EYS: variants seen among roughly 807,000 people sequenced by gnomAD.
EYS encodes the protein protein eyes shut homolog.
In EYS, 250 loss-of-function variants were observed where a neutral mutation model predicts 282.1. The observed-to-expected ratio is 0.89, with a 90% CI of 0.80 to 0.98. The LOEUF (loss-of-function observed/expected upper bound fraction) is 0.98, where lower values mean the gene tolerates loss of function less well. Among genes scored for constraint, EYS ranks in the 50% least tolerant of loss-of-function variants. The pLI is 0.00. For missense variants in EYS, 4,016 were observed against 3,709.0 expected, an observed-to-expected ratio of 1.08 and a Z score of -2.15; for synonymous variants, 1,355 against 1,282.9, an observed-to-expected ratio of 1.06 and a Z score of -1.20.
chr6:65,231,079 AT>A lies in EYS; in HGVS notation c.2023+64783del, dbSNP rs1387693187. 3.7e-3 allele frequency among the ~76,000 whole-genome samples: 183 copies of A among 49,036 alleles called. 1 individual carries two copies. Among genetic ancestry groups the A allele is most frequent in the Middle Eastern group, 8.6e-3 (1 of 116 alleles). 32.2% of individuals were successfully genotyped at this position (49,036 alleles called of 152,430 possible). A position where few individuals can be genotyped will look rare whatever the true frequency, so the allele number is the denominator to read the frequency against. ...TATATATATGTACTTTTATATATAT[AT>A]ATGTGTATATATATATACTTTTATA... On this transcript the variant is annotated intron_variant, in intron 12 of 42. Coordinates refer to ENST00000503581, the MANE Select transcript of EYS (RefSeq NM_001142800.2).
intron 13 of EYS, among the ~76,000 whole-genome samples, chr6:65,050,760 A>G (rs1347831775): frequency 6.6e-6 from 1 of 151,634 alleles, no homozygotes; most frequent in African/African-American, 2.4e-5. Flanking sequence ...TAATTGCTCC[A>G]TTATCTGCAC....
At chr6:64,471,677 C>A (rs1465720490) in intron 26 of EYS, among the ~76,000 whole-genome samples, 1 of 152,026 alleles carries the variant, frequency 6.6e-6, no homozygotes, top group Non-Finnish European at 1.5e-5. Context: ...ATCTACAAAG[C>A]CAATGCAATC....
chr6:65,109,572 C>G (rs555270851), intron 12 of EYS, among the ~76,000 whole-genome samples: 7 of 151,796 alleles, frequency 4.6e-5, no homozygotes, highest in Admixed American at 2.0e-4. Context: ...TGAGAGCCCC[C>G]CCTTTGGCTC....
intron 13 of EYS, among the ~76,000 whole-genome samples, chr6:65,029,077 G>C (rs936661253): frequency 2.6e-5 from 4 of 152,084 alleles, no homozygotes; most frequent in African/African-American, 9.7e-5. Flanking sequence ...CTGTAGAGCT[G>C]TCCCCTGTGT....
At position 64,245,033 on chromosome 6, in the gene EYS, T is replaced by G. The variant is rs1313205325; in HGVS notation, c.6192-14209A>C. 2.2e-5 allele frequency among the ~76,000 whole-genome samples: 3 copies of G among 135,738 alleles called. No homozygotes were observed. The East Asian group carries it at 7.3e-4, about 33-fold the overall frequency. The allele number at this position is 135,738 out of a possible 152,430, so 89.0% of individuals were successfully genotyped here. ...TGATGTTACCCACCCTGTGTCCAAG[T>G]GTTCTCATTGTTCAGTTCCTACCTT... On this transcript the variant is annotated intron_variant, in intron 30 of 42. Coordinates refer to ENST00000503581, the MANE Select transcript of EYS (RefSeq NM_001142800.2).
At chr6:64,652,660 A>G (rs1289251260) in intron 22 of EYS, among the ~76,000 whole-genome samples, 2 of 152,202 alleles carry the variant, frequency 1.3e-5, no homozygotes, top group African/African-American at 4.8e-5. Flanking sequence ...TTTGTTTCAT[A>G]CTTCTAAATC....
chr6:65,213,497 T>A (rs1253444857), intron 12 of EYS, among the ~76,000 whole-genome samples: 3 of 152,236 alleles, frequency 2.0e-5, no homozygotes, highest in Non-Finnish European at 2.9e-5. Flanking sequence ...GCTCACTTCA[T>A]GTCTCTGTGT....
chr6:64,698,645 T>A (rs887282999), intron 22 of EYS, among the ~76,000 whole-genome samples: 29 of 151,890 alleles, frequency 1.9e-4, no homozygotes, highest in Non-Finnish European at 4.4e-5. Flanking sequence ...AGAAAAACAA[T>A]CTCATTAAAA....
Position 64,714,971 on chromosome 6 carries a change from T to A in EYS, c.3444-88726A>T, listed in dbSNP as rs185333569. Among the ~76,000 whole-genome samples the A allele has an allele frequency of 3.8e-3, 582 of 152,144 alleles. 2 individuals carry two copies. The highest frequency in any genetic ancestry group is 0.012 in the African/African-American group (511 of 41,520). The stretch of plus-strand genomic sequence containing the variant: ...TCAAACTCTCCTGCCTTTTTCTAGA[T>A]GTGTTAATATGTAGGTGACCAAAGC... On this transcript the variant is annotated intron_variant, in intron 22 of 42. Transcript: ENST00000503581.
chr6:65,592,328 T>C (rs1272591187), intron 2 of EYS, among the ~76,000 whole-genome samples: 4 of 152,008 alleles, frequency 2.6e-5, no homozygotes, highest in Non-Finnish European at 5.9e-5. Flanking sequence ...AACTGAATTT[T>C]ATATATGTTA....
chr6:64,307,109 T>C lies in EYS; in HGVS notation c.6079-27A>G, dbSNP rs780891038. ...TGAGAGAGAGAGAGAGAGAGAGAAG[T>C]AGAGATAATTTAAATGATTTTCTTG... On this transcript the variant is annotated intron_variant, in intron 29 of 42. Coordinates refer to ENST00000503581, the MANE Select transcript of EYS (RefSeq NM_001142800.2). 6.7e-6 allele frequency: 7 copies of C among 1,043,402 alleles called. No individual in the cohort carries two copies. The East Asian group carries it at 1.6e-4, about 23-fold the overall frequency. 64.6% of individuals were successfully genotyped at this position (1,043,402 alleles called of 1,614,324 possible). A position where few individuals can be genotyped will look rare whatever the true frequency, so the allele number is the denominator to read the frequency against.
chr6:65,133,249 A>G (rs1775931275), intron 12 of EYS, among the ~76,000 whole-genome samples: 1 of 152,016 alleles, frequency 6.6e-6, no homozygotes, highest in African/African-American at 2.4e-5. Context: ...AAGTGCCCAC[A>G]TAACCAAGGC....
intron 12 of EYS, among the ~76,000 whole-genome samples, chr6:65,237,959 T>C (rs958711774): frequency 6.6e-6 from 1 of 152,106 alleles, no homozygotes; most frequent in Non-Finnish European, 1.5e-5. Flanking sequence ...TACTGATTTG[T>C]GTTTCAAATG....
chr6:63,893,506 C>G (rs186792024), intron 35 of EYS, among the ~76,000 whole-genome samples: 2 of 152,170 alleles, frequency 1.3e-5, no homozygotes, highest in Admixed American at 1.3e-4. Flanking sequence ...TGTTCTCACT[C>G]GTGAGTGGGA....
At chr6:64,852,702 C>T (rs1198356336) in intron 19 of EYS, among the ~76,000 whole-genome samples, 1 of 151,990 alleles carries the variant, frequency 6.6e-6, no homozygotes, top group Non-Finnish European at 1.5e-5. Context: ...GACATGGAGA[C>T]ATAGATACAG....
At chr6:64,685,214 T>C (rs1770048410) in intron 22 of EYS, among the ~76,000 whole-genome samples, 1 of 152,138 alleles carries the variant, frequency 6.6e-6, no homozygotes, top group African/African-American at 2.4e-5. Flanking sequence ...GAAAAATTTA[T>C]CAGAAAAATA....
intron 22 of EYS, among the ~76,000 whole-genome samples, chr6:64,657,248 C>A (rs1364217356): frequency 6.6e-6 from 1 of 152,198 alleles, no homozygotes; most frequent in African/African-American, 2.4e-5. Flanking sequence ...CTATGTGTGT[C>A]TCTGCACATG....
intron 30 of EYS, among the ~76,000 whole-genome samples, chr6:64,240,878 G>T (rs186667069): frequency 5.5e-4 from 84 of 152,230 alleles, no homozygotes; most frequent in African/African-American, 1.9e-3. Flanking sequence ...GTATGATATT[G>T]GTTATAGGTT....
intron 22 of EYS, among the ~76,000 whole-genome samples, chr6:64,758,587 T>G (rs1172016153): frequency 6.6e-6 from 1 of 152,146 alleles, no homozygotes; most frequent in Non-Finnish European, 1.5e-5. Context: ...GTGGAATTAC[T>G]TTTCTCCCTC....
Sources: gnomAD v4.1 joint callset for allele counts (sites outside exome capture counted in the v4.1 genomes callset) on GRCh38, gnomAD v4.1.1 for gene constraint, MANE v1.5 for transcripts, NCBI Gene and HGNC (gene_info 2026-07-23, HGNC 2026-07-21) for gene names.